SLIT3: variants seen among roughly 807,000 people sequenced by gnomAD.
The protein encoded by SLIT3 is slit guidance ligand 3.
In SLIT3, 68 loss-of-function variants were observed where a neutral mutation model predicts 184.0. The observed-to-expected ratio is 0.37, with a 90% CI of 0.30 to 0.45. The LOEUF is 0.45. Ranked by LOEUF, SLIT3 falls within the 20% of genes least tolerant of loss-of-function variation. The pLI is 1.00. For synonymous variants in SLIT3, 831 were observed against 828.6 expected, an observed-to-expected ratio of 1.00 and a Z score of -0.05; for missense variants, 1,707 against 2,026.0, an observed-to-expected ratio of 0.84 and a Z score of 3.02.
At chr5:169,193,791 C>T (rs570719617) in intron 3 of SLIT3, among the ~76,000 whole-genome samples, 3 of 152,304 alleles carry the variant, frequency 2.0e-5, no homozygotes, top group East Asian at 1.9e-4. Flanking sequence ...CGCTGTGCTG[C>T]CACACCTCCA....
intron 5 of SLIT3, among the ~76,000 whole-genome samples, chr5:168,876,439 C>A (rs1759733720): frequency 1.3e-5 from 2 of 152,180 alleles, no homozygotes. Flanking sequence ...CCTGCACCTC[C>A]CCATCTCCCT....
intron 23 of SLIT3, chr5:168,712,754 GTT>G: frequency 5.9e-6 from 1 of 170,176 alleles, no homozygotes; most frequent in Non-Finnish European, 1.3e-5. Flanking sequence ...AAGACCGGAA[GTT>G]CTGGAGCCAG....
intron 4 of SLIT3, among the ~76,000 whole-genome samples, chr5:169,045,603 T>C (rs1311287479): frequency 1.3e-5 from 2 of 152,212 alleles, no homozygotes; most frequent in South Asian, 2.1e-4. Flanking sequence ...TATGAGTATT[T>C]ACTATGTGAT....
intron 4 of SLIT3, among the ~76,000 whole-genome samples, chr5:169,168,489 G>C (rs779039556): frequency 6.6e-6 from 1 of 152,178 alleles, no homozygotes; most frequent in African/African-American, 2.4e-5. Context: ...AATGTTTACT[G>C]AGACAGTGTT....
At chr5:169,048,200 C>T (rs546966277) in intron 4 of SLIT3, among the ~76,000 whole-genome samples, 67 of 152,264 alleles carry the variant, frequency 4.4e-4, no homozygotes, top group African/African-American at 1.2e-3. Context: ...CACTCTCTGA[C>T]GATGGGTGGT....
intron 2 of SLIT3, among the ~76,000 whole-genome samples, chr5:169,247,746 G>A (rs565022498): frequency 1.3e-4 from 20 of 151,978 alleles, no homozygotes; most frequent in Non-Finnish European, 2.5e-4. Context: ...GACTATAGGC[G>A]CATGCCACCA....
At chr5:169,291,926 C>T (rs868345005) in intron 1 of SLIT3, among the ~76,000 whole-genome samples, 3 of 152,182 alleles carry the variant, frequency 2.0e-5, no homozygotes, top group South Asian at 2.1e-4. Flanking sequence ...GCCTACTTCA[C>T]ATAACTCTTC....
chr5:169,227,675 C>G (rs1040422110), intron 3 of SLIT3, among the ~76,000 whole-genome samples: 11 of 152,252 alleles, frequency 7.2e-5, no homozygotes, highest in African/African-American at 9.6e-5. Flanking sequence ...ATCCGCCCAC[C>G]TCGGCCTCCC....
At chr5:168,840,974 G>A (rs528009267) in intron 6 of SLIT3, among the ~76,000 whole-genome samples, 9 of 152,282 alleles carry the variant, frequency 5.9e-5, no homozygotes, top group African/African-American at 9.6e-5. Flanking sequence ...GTGGGCACCC[G>A]TTAACTGGGT....
At chr5:168,740,392 T>C (rs1283657275) in intron 20 of SLIT3, among the ~76,000 whole-genome samples, 8 of 152,242 alleles carry the variant, frequency 5.3e-5, no homozygotes, top group Admixed American at 4.6e-4. Flanking sequence ...CAACAGCCTC[T>C]CACACTCTGC....
intron 4 of SLIT3, among the ~76,000 whole-genome samples, chr5:168,975,493 A>G (rs532505588): frequency 2.0e-5 from 3 of 151,486 alleles, no homozygotes; most frequent in Non-Finnish European, 4.4e-5. Flanking sequence ...AGACACCCCT[A>G]CACAGAGACA....
intron 1 of SLIT3, among the ~76,000 whole-genome samples, chr5:169,290,751 C>T (rs1767336178): frequency 6.7e-6 from 1 of 149,748 alleles, no homozygotes; most frequent in Non-Finnish European, 1.5e-5. Flanking sequence ...CACACTAGGG[C>T]ATACACTGGG....
chr5:169,073,993 G>T (rs1448909235), intron 4 of SLIT3, among the ~76,000 whole-genome samples: 1 of 152,172 alleles, frequency 6.6e-6, no homozygotes. Context: ...TTATCAATCA[G>T]ACAGAATAGT....
At chr5:169,071,626 A>T (rs982152849) in intron 4 of SLIT3, among the ~76,000 whole-genome samples, 1 of 152,076 alleles carries the variant, frequency 6.6e-6, no homozygotes, top group Non-Finnish European at 1.5e-5. Context: ...GCCAGCCTCC[A>T]CTTCAGGGGA....
At chr5:168,844,896 A>ATTTTTTTTTTTTTT in intron 5 of SLIT3, 1 of 221,936 alleles carries the variant, frequency 4.5e-6, no homozygotes, top group Non-Finnish European at 8.3e-6. Context: ...TTAATTGCGC[A>ATTTTTTTTTTTTTT]TTTTTTTTTT....
At chr5:169,145,353 G>A (rs984115536) in intron 4 of SLIT3, among the ~76,000 whole-genome samples, 2 of 152,170 alleles carry the variant, frequency 1.3e-5, no homozygotes, top group Non-Finnish European at 1.5e-5. Context: ...TAGAGACATT[G>A]CAGGGCGTGT....
intron 3 of SLIT3, among the ~76,000 whole-genome samples, chr5:169,195,985 C>T (rs1763729871): frequency 6.6e-6 from 1 of 152,150 alleles, no homozygotes; most frequent in Non-Finnish European, 1.5e-5. Flanking sequence ...AACAACTAAT[C>T]TCCAGAACTT....
chr5:169,263,200 G>A (rs1318002119), intron 1 of SLIT3, among the ~76,000 whole-genome samples: 1 of 152,154 alleles, frequency 6.6e-6, no homozygotes, highest in African/African-American at 2.4e-5. Context: ...AAACCAGCCA[G>A]GCATGGTGGT....
intron 4 of SLIT3, among the ~76,000 whole-genome samples, chr5:168,897,625 A>G (rs1204836854): frequency 8.8e-5 from 7 of 79,454 alleles, no homozygotes; most frequent in African/African-American, 2.5e-4. Flanking sequence ...GCAAAGAGAA[A>G]GAGGATGGAG....
Sources: gnomAD v4.1 joint callset for allele counts (sites outside exome capture counted in the v4.1 genomes callset) on GRCh38, gnomAD v4.1.1 for gene constraint, MANE v1.5 for transcripts, NCBI Gene and HGNC (gene_info 2026-07-23, HGNC 2026-07-21) for gene names.